LAMP3: variants seen among roughly 807,000 people sequenced by gnomAD.
LAMP3 encodes the protein lysosome associated membrane protein 3.
LAMP3 carries 26 observed loss-of-function variants against 34.8 expected under a neutral mutation model. The observed-to-expected ratio is 0.75, with a 90% CI of 0.55 to 1.04. The LOEUF (loss-of-function observed/expected upper bound fraction) is 1.04. Among genes scored for constraint, LAMP3 ranks in the 50% least tolerant of loss-of-function variants. The probability of loss-of-function intolerance (pLI) is 0.00; values close to 1 mark genes in which losing one functional copy is unlikely to be tolerated. For missense variants in LAMP3, 495 were observed against 524.0 expected, an observed-to-expected ratio of 0.94 and a Z score of 0.54; for synonymous variants, 180 against 201.9, an observed-to-expected ratio of 0.89 and a Z score of 0.92.
At chr3:183,150,147 G>A (rs1720585494) in intron 3 of LAMP3, among the ~76,000 whole-genome samples, 1 of 152,162 alleles carries the variant, frequency 6.6e-6, no homozygotes, top group Non-Finnish European at 1.5e-5. Flanking sequence ...GGGAGGGGAG[G>A]ACGACCTGCT....
chr3:183,140,707 G>A, intron 3 of LAMP3, 112 bp from the exon 4 acceptor site: 1 of 714,488 alleles, frequency 1.4e-6, no homozygotes, highest in Non-Finnish European at 2.5e-6. Flanking sequence ...ATAAGGGCTG[G>A]GGAGTTACTT....
intron 3 of LAMP3, among the ~76,000 whole-genome samples, chr3:183,150,910 T>C (rs1325763497): frequency 1.3e-5 from 2 of 152,204 alleles, no homozygotes; most frequent in East Asian, 3.8e-4. Flanking sequence ...ACCCTGAATG[T>C]CTTCCCATTT....
chr3:183,163,124 A>T (rs1275427995), upstream of LAMP3, among the ~76,000 whole-genome samples: 2 of 150,738 alleles, frequency 1.3e-5, no homozygotes, highest in African/African-American at 4.9e-5. Flanking sequence ...CACCCGGCTA[A>T]TTTTTGTATT....
At chr3:183,147,357 G>C (rs1482745004) in intron 3 of LAMP3, among the ~76,000 whole-genome samples, 3 of 152,180 alleles carry the variant, frequency 2.0e-5, no homozygotes, top group Non-Finnish European at 4.4e-5. Flanking sequence ...CCCGGGGCTA[G>C]ACACCAGCCC....
intron 5 of LAMP3, among the ~76,000 whole-genome samples, chr3:183,131,305 A>G (rs188440321): frequency 3.2e-4 from 49 of 152,318 alleles, no homozygotes; most frequent in Admixed American, 1.2e-3. Flanking sequence ...TACATTAATC[A>G]TTCTGCAGAA....
At chr3:183,157,084 C>A (rs1250169040) in intron 1 of LAMP3, among the ~76,000 whole-genome samples, 2 of 152,116 alleles carry the variant, frequency 1.3e-5, no homozygotes, top group Non-Finnish European at 2.9e-5. Flanking sequence ...TAACTTTAAG[C>A]CCAGTAGTAA....
At chr3:183,138,837 A>T (rs1375131300) in intron 4 of LAMP3, among the ~76,000 whole-genome samples, 1 of 151,948 alleles carries the variant, frequency 6.6e-6, no homozygotes, top group Non-Finnish European at 1.5e-5. Context: ...CCTGCTGCTT[A>T]TTCTCTCTCC....
intron 5 of LAMP3, among the ~76,000 whole-genome samples, chr3:183,128,147 C>CA (rs56282591): frequency 0.85 from 107,156 of 126,596 alleles, 45,331 homozygotes; most frequent in Middle Eastern, 0.91. Context: ...CACTCCATCT[C>CA]AAAAAAAAAA....
Position 183,135,863 on chromosome 3 carries a change from T to C in LAMP3, c.971A>G (p.His324Arg), listed in dbSNP as rs1363491624. The C allele has an allele frequency of 6.2e-7, 1 of 1,613,940 alleles. No individual in the cohort carries two copies. ...TGCTGTCTGGAACATCACCACCGCATGTTTGATTCCTTGGTAAATTGTCTC... is the reference window on the plus strand; with the variant it reads ...TGCTGTCTGGAACATCACCACCGCACGTTTGATTCCTTGGTAAATTGTCTC... ...DPETIYQGIK[H>R]AVVMFQTAVG... The change falls in exon 5 of 6, where the codon CAT becomes CGT. Residue 324 changes from histidine (H) to arginine (R), a missense_variant. Physicochemically the swap from His to Arg is conservative, Grantham distance 29 (BLOSUM62 0). Transcript: ENST00000265598.
At chr3:183,130,717 C>T (rs1009124933) in intron 5 of LAMP3, among the ~76,000 whole-genome samples, 1 of 152,152 alleles carries the variant, frequency 6.6e-6, no homozygotes, top group Non-Finnish European at 1.5e-5. Flanking sequence ...CTGGAGCGAT[C>T]GTCTGCTTTG....
At chr3:183,140,509 G>A (rs181445259) in intron 4 of LAMP3, 29 bp downstream of exon 4, 51 of 1,411,196 alleles carry the variant, frequency 3.6e-5, no homozygotes, top group Admixed American at 6.7e-5. Context: ...CGTCATGGCT[G>A]GTCGAATGGG....
At chr3:183,153,239 G>T (rs182603925) in intron 2 of LAMP3, among the ~76,000 whole-genome samples, 2 of 149,670 alleles carry the variant, frequency 1.3e-5, no homozygotes, top group East Asian at 2.0e-4. Context: ...TCAAATAATC[G>T]CAATCCCTCT....
chr3:183,128,229 T>C (rs1719831182), intron 5 of LAMP3, among the ~76,000 whole-genome samples: 1 of 152,178 alleles, frequency 6.6e-6, no homozygotes, highest in Non-Finnish European at 1.5e-5. Context: ...TGCTGTGCAT[T>C]GAGAAGTTTC....
intron 3 of LAMP3, among the ~76,000 whole-genome samples, chr3:183,151,784 T>G (rs1720642474): frequency 6.6e-6 from 1 of 152,110 alleles, no homozygotes; most frequent in Non-Finnish European, 1.5e-5. Flanking sequence ...TTTCAAATGC[T>G]AAAGACCAAA....
chr3:183,144,740 GA>G (rs552743017), intron 3 of LAMP3, among the ~76,000 whole-genome samples: 2 of 152,044 alleles, frequency 1.3e-5, no homozygotes, highest in African/African-American at 2.4e-5. Flanking sequence ...CCTGTCTCTA[GA>G]AAAAAATACA....
chr3:183,154,503 T>C, intron 1 of LAMP3, 112 bp from the exon 2 acceptor site: 2 of 799,902 alleles, frequency 2.5e-6, no homozygotes, highest in Non-Finnish European at 3.9e-6. Flanking sequence ...TGCATATTTT[T>C]ATACTTGGGG....
chr3:183,148,934 C>A (rs1720527758), intron 3 of LAMP3, among the ~76,000 whole-genome samples: 1 of 152,184 alleles, frequency 6.6e-6, no homozygotes, highest in South Asian at 2.1e-4. Flanking sequence ...GGTTTGCAGG[C>A]AACCCAAGTG....
In LAMP3 at chr3:183,124,089, T is replaced by C; in HGVS notation, c.1243A>G (p.Arg415Gly). The stretch of plus-strand genomic sequence containing the variant: ...TTCCCCCCGGGCAACAATTAGATTC[T>C]CTGGTATCCAGATGATTGACACCTT... ...RLRCQSSGYQ[R>G]I Residue 415 changes from arginine (R) to glycine (G), a missense_variant, in exon 6 of 6, where the codon AGA (arginine) becomes GGA (glycine). By Grantham distance (125) the Arg-to-Gly change is moderately radical. Coordinates refer to ENST00000265598, the MANE Select transcript of LAMP3 (RefSeq NM_014398.4). 1.2e-6 allele frequency: 2 copies of C among 1,614,162 alleles called. No individual in the cohort carries two copies. The highest frequency in any genetic ancestry group is 1.7e-6 in the Non-Finnish European group (2 of 1,180,016).
chr3:183,143,288 T>G (rs574936342), intron 3 of LAMP3, among the ~76,000 whole-genome samples: 1 of 145,888 alleles, frequency 6.9e-6, no homozygotes, highest in Non-Finnish European at 1.5e-5. Flanking sequence ...TAAAAAAAAT[T>G]TTTTTATAGA....
Sources: gnomAD v4.1 joint callset for allele counts (sites outside exome capture counted in the v4.1 genomes callset) on GRCh38, gnomAD v4.1.1 for gene constraint, MANE v1.5 for transcripts, NCBI Gene and HGNC (gene_info 2026-07-23, HGNC 2026-07-21) for gene names.